The following CUL9 variants were observed in gnomAD, a reference collection of about 807,000 sequenced individuals.
CUL9 encodes the protein cullin-9.
A neutral mutation model predicts 272.6 loss-of-function variants in CUL9; 79 were observed. The observed-to-expected ratio is 0.29, with a 90% confidence interval of 0.24 to 0.35. The LOEUF (loss-of-function observed/expected upper bound fraction) is 0.35, where lower values mean the gene tolerates loss of function less well. CUL9 is among the 10% of genes least tolerant of loss of function. The pLI is 1.00. For synonymous variants in CUL9, 1,186 were observed against 1,286.5 expected, an observed-to-expected ratio of 0.92 and a Z score of 1.67; for missense variants, 2,532 against 3,255.6, an observed-to-expected ratio of 0.78 and a Z score of 5.41.
rs769189873 is a variant in CUL9, at chr6:43,213,256, G to A, written c.5320G>A (p.Val1774Met). 4.3e-6 allele frequency: 7 copies of A among 1,614,102 alleles called. No individual in the cohort carries two copies. Among genetic ancestry groups the A allele is most frequent in the Admixed American group, 1.7e-5 (1 of 60,004 alleles). The stretch of plus-strand genomic sequence containing the variant: ...GAAGCAGATACTGCATGTGTCCACC[G>A]TGCAGATGTGGCTGCTGCTGAAATT... ...FGKQILHVST[V>M]QMWLLLKFNQ... The change falls in exon 27 of 41, where the codon GTG becomes ATG. Residue 1774 changes from valine to methionine, a missense_variant. By Grantham distance (21) the Val-to-Met change is conservative. This residue lies in a region of CUL9 where 2,218 missense variants were observed against 2,788.6 expected (regional missense o/e 0.80). Transcript: ENST00000252050. The surrounding 1 kb of genome is among the most constrained non-coding windows in gnomAD (Gnocchi z 5.7).
At chr6:43,204,113 TC>T in intron 20 of CUL9, 126 bp downstream of exon 20, 1 of 1,272,190 alleles carries the variant, frequency 7.9e-7, no homozygotes, top group Non-Finnish European at 1.1e-6. Context: ...ACCTCAGTGT[TC>T]CTCTCTCCTT....
intron 31 of CUL9, among the ~76,000 whole-genome samples, chr6:43,219,342 G>A (rs2150642910): frequency 6.6e-6 from 1 of 152,310 alleles, no homozygotes; most frequent in South Asian, 2.1e-4. Flanking sequence ...AGCTCCCAGG[G>A]TGAGCCCCAC....
intron 26 of CUL9, among the ~76,000 whole-genome samples, chr6:43,207,051 C>A (rs1259903482): frequency 6.6e-6 from 1 of 152,152 alleles, no homozygotes; most frequent in African/African-American, 2.4e-5. Flanking sequence ...ACCATGTTAA[C>A]CAGGCTGGTC....
At chr6:43,183,176 T>C (rs1742370558) in intron 1 of CUL9, among the ~76,000 whole-genome samples, 1 of 152,220 alleles carries the variant, frequency 6.6e-6, no homozygotes, top group South Asian at 2.1e-4. Context: ...AGTCTCTGAA[T>C]ATTGCTTCTC....
In CUL9 at chr6:43,216,196, C is replaced by T. The variant is rs1219491446; in HGVS notation, c.5975C>T (p.Pro1992Leu). 6.2e-7 allele frequency: 1 copy of T among 1,612,746 alleles called. No individual in the cohort carries two copies. Among genetic ancestry groups the T allele is most frequent in the Non-Finnish European group, 8.5e-7 (1 of 1,179,018 alleles). The change falls in exon 31 of 41, where the codon CCT becomes CTT. Residue 1992 changes from proline (P) to leucine (L), a missense_variant. Transcript: ENST00000252050. ...GCTACCCTGGCATCTCTACAGCTGCCTGCAGGCCGCACCATGAGCCCCCAG... is the reference window on the plus strand; with the variant it reads ...GCTACCCTGGCATCTCTACAGCTGCTTGCAGGCCGCACCATGAGCCCCCAG... ...AVATLASLQL[P>L]AGRTMSPQEV...
In CUL9 at chr6:43,221,262, C is replaced by T; in HGVS notation, c.6693C>T (p.Leu2231=). ...CGCAGAGCAAGCACCTGGCCAAGCT[C>T]ATCTCCAAGCGCTGTCCCAGCTGTC... ...VEAQSKHLAK[L]ISKRCPSCQA... is the part of the protein sequence containing the mutation. The change falls in exon 34 of 41, where the codon CTC becomes CTT. Residue 2231 remains leucine (L), a synonymous_variant. Transcript: ENST00000252050. The surrounding 1 kb of genome is among the most constrained non-coding windows in gnomAD (Gnocchi z 4.2). 6.2e-7 allele frequency: 1 copy of T among 1,611,644 alleles called. No individual in the cohort carries two copies. Among genetic ancestry groups the T allele is most frequent in the Non-Finnish European group, 8.5e-7 (1 of 1,179,962 alleles).
At chr6:43,209,221 C>T (rs1487500208) in intron 26 of CUL9, among the ~76,000 whole-genome samples, 1 of 151,118 alleles carries the variant, frequency 6.6e-6, no homozygotes, top group Non-Finnish European at 1.5e-5. Flanking sequence ...TCTCAGCTCA[C>T]TGCAAGCTCT....
chr6:43,205,279 C>A lies in CUL9; in HGVS notation c.4649C>A (p.Ala1550Asp). 5 of 1,613,934 alleles carry A rather than the reference C, an allele frequency of 3.1e-6. No individual in the cohort carries two copies. Among genetic ancestry groups the A allele is most frequent in the Non-Finnish European group, 4.2e-6 (5 of 1,179,818 alleles). The change falls in exon 24 of 41, where the codon GCC becomes GAC. Residue 1550 changes from alanine to aspartate, a missense_variant. Ala to Asp is a moderately radical substitution (Grantham distance 126). This residue lies in a region of CUL9 where 2,218 missense variants were observed against 2,788.6 expected (regional missense o/e 0.80). Transcript: ENST00000252050. The stretch of plus-strand genomic sequence containing the variant: ...TGCCCCCAGATGAGTGAGCAGTTTG[C>A]CAGGTACATTGACCAACAGATCCAG... ...LTAAHMSEQFARYIDQQIQGG... is the reference protein window; with the variant it reads ...LTAAHMSEQFDRYIDQQIQGG...
intron 21 of CUL9, 39 bp from the exon 22 acceptor site, chr6:43,204,709 C>G: frequency 6.2e-7 from 1 of 1,604,952 alleles, no homozygotes; most frequent in Non-Finnish European, 8.5e-7. Context: ...CACCCAGAGG[C>G]TGAGATGAAA....
intron 16 of CUL9, among the ~76,000 whole-genome samples, chr6:43,202,211 G>A (rs1774650810): frequency 1.3e-5 from 2 of 152,316 alleles, no homozygotes; most frequent in South Asian, 4.1e-4. Context: ...ACAGGAAGCG[G>A]GACAGGTTTA....
In CUL9 at chr6:43,221,630, CTGGCA is replaced by C. The variant is rs1239922482; in HGVS notation, c.6753-54_6753-50del. 6.2e-4 allele frequency: 956 copies of C among 1,535,752 alleles called. 3 individuals are homozygous for C. In the African/African-American group the frequency reaches 0.011, roughly 18 times the overall value. ...CGGTACATCTGGGCCCTTGGCATTCCTGGCACACCCCTGCCCAGAGGCAGGAGTCC... is the reference window on the plus strand; with the variant it reads ...CGGTACATCTGGGCCCTTGGCATTCCCACCCCTGCCCAGAGGCAGGAGTCC... On this transcript the variant is annotated intron_variant, in intron 34 of 40. Transcript: ENST00000252050. This position sits in a 1 kb window ranked among gnomAD's most constrained non-coding sequence, Gnocchi z 4.2.
Position 43,213,435 on chromosome 6 carries a change from CAGG to C in CUL9, c.5360_5362del (p.Glu1787del). 1 of 1,614,172 alleles carries C rather than the reference CAGG, an allele frequency of 6.2e-7. No individual in the cohort carries two copies. The highest frequency in any genetic ancestry group is 1.6e-4 in the Middle Eastern group (1 of 6,062). The stretch of plus-strand genomic sequence containing the variant: ...CTCCTGACTGGGCGTTTCTGCTCAT[CAGG>C]AGGTGTCAGTAGAGACCTTGCTGAA... On this transcript the variant is annotated splice_acceptor_variant and coding_sequence_variant, in exon 28 of 41. Coordinates refer to ENST00000252050, the MANE Select transcript of CUL9 (RefSeq NM_015089.4). LOFTEE classifies it high-confidence loss of function. This position sits in a 1 kb window ranked among gnomAD's most constrained non-coding sequence, Gnocchi z 5.7.
Position 43,206,414 on chromosome 6 carries a change from C to T in CUL9, c.5116C>T (p.Pro1706Ser). ...ACTGGTCCTGTCACCACGCTGCTGG[C>T]CCGTCTCCCCACTCTGCTACCTGTA... ...SILVLSPRCW[P>S]VSPLCYLYHP... The change falls in exon 26 of 41, where the codon CCC becomes TCC. Residue 1706 changes from proline to serine, a missense_variant. Physicochemically the swap from Pro to Ser is moderately conservative, Grantham distance 74. Around this residue, in one of 3 missense-constraint regions of CUL9, gnomAD observed 2,218 missense variants for 2,788.6 expected, o/e 0.80. Coordinates refer to ENST00000252050, the MANE Select transcript of CUL9 (RefSeq NM_015089.4). This position sits in a 1 kb window ranked among gnomAD's most constrained non-coding sequence, Gnocchi z 4.8. 6.2e-7 allele frequency: 1 copy of T among 1,614,176 alleles called. No individual in the cohort carries two copies.
intron 1 of CUL9, among the ~76,000 whole-genome samples, chr6:43,182,564 G>C (rs16868993): frequency 0.28 from 42,796 of 151,650 alleles, 8,218 homozygotes; most frequent in African/African-American, 0.55. Context: ...CTTCTAGGCC[G>C]ACGTTACACC....
At chr6:43,222,474 C>A in intron 36 of CUL9, 57 bp from the exon 37 acceptor site, 1 of 1,604,470 alleles carries the variant, frequency 6.2e-7, no homozygotes. Flanking sequence ...GAAGGTCTGA[C>A]CGGGCAGGTG....
chr6:43,220,315 T>C lies in CUL9; in HGVS notation c.6283-144T>C, dbSNP rs1776245243. On this transcript the variant is annotated intron_variant, in intron 31 of 40. Transcript: ENST00000252050. This position sits in a 1 kb window ranked among gnomAD's most constrained non-coding sequence, Gnocchi z 4.9. ...AGCTGGAGAGAGGAGTCAGCATTGG[T>C]TGATCTAGAGGCAGGCTTGTTTCTG... 4 of 917,012 alleles carry C rather than the reference T, an allele frequency of 4.4e-6. No individual in the cohort carries two copies. Among genetic ancestry groups the C allele is most frequent in the South Asian group, 1.6e-5 (1 of 62,166 alleles). 56.8% of individuals were successfully genotyped at this position (917,012 alleles called of 1,614,324 possible). A position where few individuals can be genotyped will look rare whatever the true frequency, so the allele number is the denominator to read the frequency against.
At chr6:43,205,768 G>A (rs547102267) in intron 24 of CUL9, among the ~76,000 whole-genome samples, 2 of 151,682 alleles carry the variant, frequency 1.3e-5, no homozygotes, top group Middle Eastern at 3.4e-3. Flanking sequence ...GGCAGAGGTT[G>A]CAGTGAGCCA....
rs1776070268 is a variant in CUL9 at position 43,218,240 on chromosome 6, G to A, written c.6282+1737G>A. Among the ~76,000 whole-genome samples, 1 of 151,450 alleles carries A rather than the reference G, an allele frequency of 6.6e-6. No individual in the cohort carries two copies. Among genetic ancestry groups the A allele is most frequent in the African/African-American group, 2.4e-5 (1 of 41,224 alleles). On this transcript the variant is annotated intron_variant, in intron 31 of 40. Transcript: ENST00000252050. This position sits in a 1 kb window ranked among gnomAD's most constrained non-coding sequence, Gnocchi z 4.4. The stretch of plus-strand genomic sequence containing the variant: ...TTTTATTATTATTATTTTTTGAGAT[G>A]GAGTCTCACTCTGTCACCCAGGCTG...
Position 43,220,809 on chromosome 6 carries a change from C to T in CUL9, c.6486C>T (p.Asn2162=). ...GCTCCAACCTGACCTGGTGCACCAACCCCCAGGGCTGCGACCGCATCCTGT... is the reference window on the plus strand; with the variant it reads ...GCTCCAACCTGACCTGGTGCACCAATCCCCAGGGCTGCGACCGCATCCTGT... ...ESCSNLTWCT[N]PQGCDRILCR... The change falls in exon 33 of 41, where the codon AAC becomes AAT. Residue 2162 remains asparagine, a synonymous_variant. Coordinates refer to ENST00000252050, the MANE Select transcript of CUL9 (RefSeq NM_015089.4). This position sits in a 1 kb window ranked among gnomAD's most constrained non-coding sequence, Gnocchi z 4.9. 2 of 1,613,540 alleles carry T rather than the reference C, an allele frequency of 1.2e-6. No homozygotes were observed. Among genetic ancestry groups the T allele is most frequent in the Non-Finnish European group, 1.7e-6 (2 of 1,179,994 alleles).
Sources: allele counts gnomAD v4.1 joint callset (sites outside exome capture counted in the v4.1 genomes callset), GRCh38; gene constraint gnomAD v4.1.1; regional missense constraint gnomAD v4.1.1; non-coding constraint Gnocchi (gnomAD v3.1); transcripts MANE v1.5; gene names NCBI Gene and HGNC (gene_info 2026-07-23, HGNC 2026-07-21).